Variants in PCDH7 observed in about 807,000 individuals in gnomAD.
PCDH7 encodes protocadherin-7.
In PCDH7, 17 loss-of-function variants were observed where a neutral mutation model predicts 58.9. That is an observed-to-expected ratio of 0.29 (90% CI 0.20 to 0.43). The LOEUF (loss-of-function observed/expected upper bound fraction) is 0.43, where lower values mean the gene tolerates loss of function less well. Among genes scored for constraint, PCDH7 ranks in the 20% least tolerant of loss-of-function variants. The pLI is 1.00. For missense variants in PCDH7, 1,274 were observed against 1,441.0 expected, an observed-to-expected ratio of 0.88 and a Z score of 1.88; for synonymous variants, 664 against 616.4, an observed-to-expected ratio of 1.08 and a Z score of -1.14.
chr4:30,834,067 C>T (rs139123215), intron 1 of PCDH7, among the ~76,000 whole-genome samples: 178 of 152,228 alleles, frequency 1.2e-3, no homozygotes, highest in African/African-American at 4.1e-3. Flanking sequence ...CTTACGTGTT[C>T]AGTGAAGTCA....
chr4:30,780,790 C>T (rs552699101), intron 1 of PCDH7, among the ~76,000 whole-genome samples: 5 of 152,142 alleles, frequency 3.3e-5, no homozygotes, highest in Admixed American at 2.6e-4. Context: ...TTAGTATACT[C>T]GATTCTATTT....
intron 3 of PCDH7, among the ~76,000 whole-genome samples, chr4:30,960,303 T>C (rs1748293464): frequency 6.6e-6 from 1 of 152,102 alleles, no homozygotes; most frequent in Non-Finnish European, 1.5e-5. Flanking sequence ...GATTATCTCT[T>C]CGAGACATGC....
intron 1 of PCDH7, among the ~76,000 whole-genome samples, chr4:30,742,372 C>A (rs559960770): frequency 3.8e-4 from 58 of 152,138 alleles, no homozygotes; most frequent in Admixed American, 7.2e-4. Flanking sequence ...TATGAAGTGT[C>A]TGATGTCTCC....
intron 3 of PCDH7, among the ~76,000 whole-genome samples, chr4:31,017,360 T>C (rs1300380827): frequency 6.6e-6 from 1 of 152,180 alleles, no homozygotes; most frequent in Non-Finnish European, 1.5e-5. Context: ...AGGGCTATAC[T>C]GTAAGCTCAA....
intron 1 of PCDH7, among the ~76,000 whole-genome samples, chr4:30,813,686 G>T (rs1727286535): frequency 6.6e-6 from 1 of 151,966 alleles, no homozygotes; most frequent in Non-Finnish European, 1.5e-5. Context: ...TTTTTGTCCA[G>T]GCTAGAGTGC....
chr4:30,844,241 A>T (rs1336744907), intron 1 of PCDH7, among the ~76,000 whole-genome samples: 1 of 152,212 alleles, frequency 6.6e-6, no homozygotes, highest in East Asian at 1.9e-4. Context: ...ATACGATCCC[A>T]AACTAAGAGT....
intron 1 of PCDH7, among the ~76,000 whole-genome samples, chr4:30,858,731 C>G (rs1733801882): frequency 6.6e-6 from 1 of 152,102 alleles, no homozygotes. Context: ...TTACTGATTT[C>G]CTACCATTGG....
At chr4:30,964,613 A>C (rs1359300664) in intron 3 of PCDH7, among the ~76,000 whole-genome samples, 1 of 40,822 alleles carries the variant, frequency 2.4e-5, no homozygotes, top group Non-Finnish European at 4.5e-5. Flanking sequence ...GCACAAATGG[A>C]CTTTTTTTTT....
At chr4:31,137,500 C>T (rs2109343571) in intron 3 of PCDH7, among the ~76,000 whole-genome samples, 1 of 152,334 alleles carries the variant, frequency 6.6e-6, no homozygotes, top group African/African-American at 2.4e-5. Flanking sequence ...ATGAGAATCG[C>T]TTGAACCCAG....
At chr4:31,011,510 T>C (rs1347417713) in intron 3 of PCDH7, among the ~76,000 whole-genome samples, 1 of 152,034 alleles carries the variant, frequency 6.6e-6, no homozygotes, top group Admixed American at 6.6e-5. Flanking sequence ...CCTTCTCTTT[T>C]CTATTCTTCT....
chr4:30,750,862 CT>C (rs1220772071), intron 1 of PCDH7, among the ~76,000 whole-genome samples: 1 of 151,742 alleles, frequency 6.6e-6, no homozygotes, highest in Non-Finnish European at 1.5e-5. Flanking sequence ...ATATAAAGTA[CT>C]ATGATAGAGA....
At chr4:30,853,965 A>T (rs528320326) in intron 1 of PCDH7, among the ~76,000 whole-genome samples, 1 of 152,042 alleles carries the variant, frequency 6.6e-6, no homozygotes, top group Non-Finnish European at 1.5e-5. Context: ...GGCAATTAAC[A>T]TTTCAAGGTA....
chr4:30,937,460 C>T (rs959976694), intron 2 of PCDH7, among the ~76,000 whole-genome samples: 2 of 152,072 alleles, frequency 1.3e-5, no homozygotes, highest in African/African-American at 4.8e-5. Flanking sequence ...ACCTTTCCTC[C>T]TGCCTCCCTA....
chr4:30,971,633 A>G lies in PCDH7; in HGVS notation c.*7+21418A>G, dbSNP rs141157686. Among the ~76,000 whole-genome samples, 543 of 152,324 alleles carry G rather than the reference A, an allele frequency of 3.6e-3. 4 individuals carry two copies. The highest frequency in any genetic ancestry group is 0.012 in the African/African-American group (508 of 41,572). ...CAAGTATTCTTGTCAGTTGTTTTAG[A>G]ACACTTTGACAAGGATGCACAGTAA... On this transcript the variant is annotated intron_variant, in intron 3 of 3. Coordinates refer to the PCDH7 transcript ENST00000509759.
intron 3 of PCDH7, among the ~76,000 whole-genome samples, chr4:31,060,554 C>T (rs1757606184): frequency 6.6e-6 from 1 of 151,822 alleles, no homozygotes; most frequent in South Asian, 2.1e-4. Flanking sequence ...TTGCCATCAA[C>T]TTAGGTTACT....
intron 3 of PCDH7, among the ~76,000 whole-genome samples, chr4:31,063,078 T>C (rs1757814692): frequency 6.6e-6 from 1 of 151,844 alleles, no homozygotes; most frequent in East Asian, 1.9e-4. Context: ...AAGTGTAAAA[T>C]GATGTTTTAA....
intron 3 of PCDH7, among the ~76,000 whole-genome samples, chr4:31,117,578 GT>G (rs1475316065): frequency 6.6e-6 from 1 of 151,930 alleles, no homozygotes; most frequent in Admixed American, 6.6e-5. Flanking sequence ...AATCCAGTAT[GT>G]TTTTTTCCTC....
rs1341710981 is a variant in PCDH7, at chr4:30,943,269, A to G, written c.288-6851A>G. 2.0e-5 allele frequency among the ~76,000 whole-genome samples: 3 copies of G among 152,006 alleles called. No homozygotes were observed. In the East Asian group the frequency reaches 5.8e-4, roughly 29 times the overall value. On this transcript the variant is annotated intron_variant, in intron 2 of 3. Coordinates refer to the PCDH7 transcript ENST00000509759. ...ACCCTAAGCTCTCAGCATGATAACCAATTCACTCTCTTTAAATATGCAACA... is the reference window on the plus strand; with the variant it reads ...ACCCTAAGCTCTCAGCATGATAACCGATTCACTCTCTTTAAATATGCAACA...
At chr4:30,874,292 A>G (rs944031916) in intron 1 of PCDH7, among the ~76,000 whole-genome samples, 13 of 152,128 alleles carry the variant, frequency 8.5e-5, no homozygotes, top group African/African-American at 3.1e-4. Flanking sequence ...CTTGGAACCA[A>G]CCCAAACGTC....
Sources: allele counts gnomAD v4.1 joint callset (sites outside exome capture counted in the v4.1 genomes callset), GRCh38; gene constraint gnomAD v4.1.1; transcripts MANE v1.5; gene names NCBI Gene and HGNC (gene_info 2026-07-23, HGNC 2026-07-21).